The following TENM2 variants were observed in gnomAD, a reference collection of about 807,000 sequenced individuals.
TENM2 encodes the protein teneurin-2.
TENM2 carries 52 observed loss-of-function variants against 245.2 expected under a neutral mutation model. That is an observed-to-expected ratio of 0.21 (90% CI 0.17 to 0.27). TENM2 has a LOEUF of 0.27. Ranked by LOEUF, TENM2 falls within the 10% of genes least tolerant of loss-of-function variation. The pLI is 1.00. For missense variants in TENM2, 3,046 were observed against 3,666.8 expected (o/e 0.83, Z 4.37); for synonymous variants, 1,363 against 1,438.9 (o/e 0.95, Z 1.19).
chr5:168,099,293 A>G (rs1793619295), intron 9 of TENM2, among the ~76,000 whole-genome samples: 1 of 152,036 alleles, frequency 6.6e-6, no homozygotes, highest in Non-Finnish European at 1.5e-5. Flanking sequence ...AAAAATAGTG[A>G]AGGGGCAGTT....
In TENM2 at chr5:167,488,616, A is replaced by G. The variant is rs1009429609; in HGVS notation, c.502+113143A>G. Among the ~76,000 whole-genome samples, 4 of 151,804 alleles carry G rather than the reference A, an allele frequency of 2.6e-5. No individual in the cohort carries two copies. In the South Asian group the frequency reaches 6.3e-4, roughly 24 times the overall value. On this transcript the variant is annotated intron_variant, in intron 2 of 28. Coordinates refer to ENST00000518659, the Ensembl canonical transcript of TENM2. ...TTAGTGCTGGAGCTCACCAAGTCTC[A>G]CTCTTCAGACACTTCACTCTATGAA...
chr5:167,064,389 T>C, the TENM2 span, among the ~76,000 whole-genome samples: 1 of 152,232 alleles, frequency 6.6e-6, no homozygotes. Context: ...CATATCATTA[T>C]GCGTGAGCCA....
At chr5:168,142,375 C>T (rs968606503) in intron 12 of TENM2, among the ~76,000 whole-genome samples, 1 of 152,338 alleles carries the variant, frequency 6.6e-6, no homozygotes, top group South Asian at 2.1e-4. Flanking sequence ...ATTTAAATTT[C>T]GGCTTCCATC....
At chr5:167,839,498 A>G (rs1769288085) in intron 2 of TENM2, among the ~76,000 whole-genome samples, 2 of 152,076 alleles carry the variant, frequency 1.3e-5, no homozygotes, top group African/African-American at 2.4e-5. Context: ...ATAGGCCCTG[A>G]TGTATGGATT....
chr5:166,994,812 G>C, the TENM2 span, among the ~76,000 whole-genome samples: 1 of 152,150 alleles, frequency 6.6e-6, no homozygotes, highest in South Asian at 2.1e-4. Context: ...ATATGGAACT[G>C]TCTGAGATGA....
intron 2 of TENM2, among the ~76,000 whole-genome samples, chr5:167,486,430 G>A (rs1180554578): frequency 2.0e-5 from 3 of 150,922 alleles, no homozygotes; most frequent in African/African-American, 4.9e-5. Flanking sequence ...CCGGGTTCAC[G>A]CCATTCTCCT....
At chr5:167,113,764 A>G in the TENM2 span, among the ~76,000 whole-genome samples, 4 of 152,200 alleles carry the variant, frequency 2.6e-5, no homozygotes, top group African/African-American at 9.6e-5. Context: ...ATACATATGC[A>G]TAGAAAATTT....
rs759468994 is a variant in TENM2, at chr5:168,247,227, C to T, written c.6288C>T (p.Asn2096=). The T allele has an allele frequency of 6.2e-7, 1 of 1,613,944 alleles. No homozygotes were observed. Among genetic ancestry groups the T allele is most frequent in the South Asian group, 1.1e-5 (1 of 91,074 alleles). The change falls in exon 27 of 29, where the codon AAC becomes AAT. Residue 2096 remains asparagine, a synonymous_variant. Transcript: ENST00000518659. This position sits in a 1 kb window ranked among gnomAD's most constrained non-coding sequence, Gnocchi z 7.8. Reference sequence around the variant, plus strand: ...GGTTTGACTACACCTATCATGACAACAGCTTCCGCATCGCAAGCATCAAGC... The same window carrying T: ...GGTTTGACTACACCTATCATGACAATAGCTTCCGCATCGCAAGCATCAAGC...
chr5:168,239,333 C>G (rs999004343), intron 25 of TENM2, among the ~76,000 whole-genome samples: 3 of 152,158 alleles, frequency 2.0e-5, no homozygotes, highest in Non-Finnish European at 2.9e-5. Context: ...TTTCACATTT[C>G]AAAGTTAACT....
chr5:168,172,267 C>G (rs1053360186), intron 13 of TENM2, among the ~76,000 whole-genome samples: 6 of 152,282 alleles, frequency 3.9e-5, no homozygotes, highest in African/African-American at 1.4e-4. Flanking sequence ...TTTAATGTCC[C>G]AGGAACACAT....
intron 1 of TENM2, among the ~76,000 whole-genome samples, chr5:167,373,270 TTAA>T (rs1341345556): frequency 2.6e-5 from 4 of 152,120 alleles, no homozygotes; most frequent in Non-Finnish European, 5.9e-5. Flanking sequence ...TCCCACTAGG[TTAA>T]TGTGAGCTAC....
chr5:167,011,723 T>G, the TENM2 span, among the ~76,000 whole-genome samples: 2 of 152,230 alleles, frequency 1.3e-5, no homozygotes, highest in Non-Finnish European at 2.9e-5. Context: ...GTCCCCTCTA[T>G]TTAGGAATTG....
intron 2 of TENM2, among the ~76,000 whole-genome samples, chr5:167,766,196 G>C (rs1763007336): frequency 6.6e-6 from 1 of 152,200 alleles, no homozygotes; most frequent in Non-Finnish European, 1.5e-5. Context: ...GTGAGGCAAA[G>C]ATCACCTTGA....
chr5:167,446,463 A>G (rs1389559490), intron 2 of TENM2, among the ~76,000 whole-genome samples: 1 of 152,180 alleles, frequency 6.6e-6, no homozygotes, highest in Non-Finnish European at 1.5e-5. Context: ...CTAAAGCTGT[A>G]TCCACACATT....
chr5:166,983,741 T>C, the TENM2 span, among the ~76,000 whole-genome samples: 3 of 152,020 alleles, frequency 2.0e-5, no homozygotes, highest in Non-Finnish European at 2.9e-5. Flanking sequence ...AGTGCATTGT[T>C]TGGGGGGAAA....
intron 2 of TENM2, among the ~76,000 whole-genome samples, chr5:167,396,893 T>C (rs1335475550): frequency 6.6e-6 from 1 of 152,156 alleles, no homozygotes; most frequent in East Asian, 1.9e-4. Flanking sequence ...GCACCTTTCT[T>C]AACTCCTGAT....
the TENM2 span, among the ~76,000 whole-genome samples, chr5:167,109,789 T>G: frequency 6.6e-6 from 1 of 152,300 alleles, no homozygotes; most frequent in South Asian, 2.1e-4. Flanking sequence ...CCAGAATTTC[T>G]CCAATTTTGG....
At chr5:168,050,699 T>A (rs1179921132) in intron 6 of TENM2, among the ~76,000 whole-genome samples, 1 of 152,222 alleles carries the variant, frequency 6.6e-6, no homozygotes, top group African/African-American at 2.4e-5. Context: ...TTCCTCAGGT[T>A]TGGGAACAAG....
chr5:167,139,124 A>G, the TENM2 span, among the ~76,000 whole-genome samples: 1 of 152,230 alleles, frequency 6.6e-6, no homozygotes, highest in Non-Finnish European at 1.5e-5. Context: ...CAATTGCCAC[A>G]TCATTGAAGT....
Sources: allele counts gnomAD v4.1 joint callset (sites outside exome capture counted in the v4.1 genomes callset), GRCh38; gene constraint gnomAD v4.1.1; non-coding constraint Gnocchi (gnomAD v3.1); transcripts MANE v1.5; gene names NCBI Gene and HGNC (gene_info 2026-07-23, HGNC 2026-07-21).